Variants in DLGAP2 observed in about 807,000 individuals in gnomAD.
The protein encoded by DLGAP2 is DLG associated protein 2.
A neutral mutation model predicts 100.3 loss-of-function variants in DLGAP2; 26 were observed. The ratio of observed to expected loss-of-function variants is 0.26; its 90% CI spans 0.19 to 0.36. The LOEUF (loss-of-function observed/expected upper bound fraction) is 0.36. Among genes scored for constraint, DLGAP2 ranks in the 10% least tolerant of loss-of-function variants. The pLI is 1.00. For missense variants in DLGAP2, 1,858 were observed against 1,453.2 expected (o/e 1.28, Z -4.53); for synonymous variants, 886 against 630.1 (o/e 1.41, Z -6.08).
intron 2 of DLGAP2, among the ~76,000 whole-genome samples, chr8:1,253,721 C>T (rs767344781): frequency 6.6e-6 from 1 of 152,176 alleles, no homozygotes; most frequent in Non-Finnish European, 1.5e-5. Context: ...TCAATTAGCA[C>T]AGATCAGTGT....
chr8:1,535,141 G>C (rs1016729069), intron 4 of DLGAP2, among the ~76,000 whole-genome samples: 2 of 152,224 alleles, frequency 1.3e-5, no homozygotes, highest in Non-Finnish European at 2.9e-5. Context: ...AGCAAGTGCT[G>C]GCCGCTCCCC....
intron 1 of DLGAP2, among the ~76,000 whole-genome samples, chr8:796,765 A>G (rs2132648063): frequency 6.6e-6 from 1 of 152,284 alleles, no homozygotes; most frequent in South Asian, 2.1e-4. Context: ...TGCCCGCACT[A>G]TAACATGCCA....
chr8:1,040,981 A>C (rs1802330230), intron 2 of DLGAP2, among the ~76,000 whole-genome samples: 1 of 152,176 alleles, frequency 6.6e-6, no homozygotes, highest in Admixed American at 6.5e-5. Context: ...TTCCAGAAAC[A>C]ACATACATAG....
At chr8:1,608,699 G>A (rs1653470624) in intron 6 of DLGAP2, among the ~76,000 whole-genome samples, 2 of 142,512 alleles carry the variant, frequency 1.4e-5, no homozygotes, top group Admixed American at 7.1e-5. Context: ...GCTTAAAGGA[G>A]CTGATGGAGC....
chr8:1,246,361 C>T (rs118035948), intron 2 of DLGAP2, among the ~76,000 whole-genome samples: 2,279 of 152,334 alleles, frequency 0.015, 34 homozygotes, highest in South Asian at 0.07. Context: ...TTTGGAGGCA[C>T]TAACCGCTTT....
At chr8:1,588,156 C>CT (rs774581654) in intron 6 of DLGAP2, among the ~76,000 whole-genome samples, 31 of 152,316 alleles carry the variant, frequency 2.0e-4, no homozygotes, top group Non-Finnish European at 3.8e-4. Context: ...TTCAGAATGT[C>CT]TAACAGCAGC....
intron 2 of DLGAP2, among the ~76,000 whole-genome samples, chr8:1,031,400 TA>T (rs1801968298): frequency 6.6e-6 from 1 of 152,078 alleles, no homozygotes; most frequent in Non-Finnish European, 1.5e-5. Context: ...TTTTTTTTTT[TA>T]ATTTTATTTA....
intron 1 of DLGAP2, among the ~76,000 whole-genome samples, chr8:875,066 A>G (rs1475287414): frequency 2.5e-4 from 38 of 152,168 alleles, no homozygotes; most frequent in Admixed American, 2.2e-3. Flanking sequence ...TAGCTATTCT[A>G]GCTTTCTTGT....
In DLGAP2 at chr8:1,555,994, C is replaced by T. The variant is rs77707851; in HGVS notation, c.1230+6311C>T. 9.8e-3 allele frequency among the ~76,000 whole-genome samples: 1,491 copies of T among 152,300 alleles called. 32 individuals carry two copies. Among genetic ancestry groups the T allele is most frequent in the African/African-American group, 0.034 (1,396 of 41,550 alleles). Reference sequence around the variant, plus strand: ...ACATGGAACACTGGGTGGGTGCATGCGCTGTTTTATCCAGGTTTACCAGGG... The same window carrying T: ...ACATGGAACACTGGGTGGGTGCATGTGCTGTTTTATCCAGGTTTACCAGGG... On this transcript the variant is annotated intron_variant, in intron 5 of 14. Coordinates refer to ENST00000637795, the MANE Select transcript of DLGAP2 (RefSeq NM_001346810.2).
At chr8:1,317,357 G>A (rs1319881334) in intron 3 of DLGAP2, among the ~76,000 whole-genome samples, 11 of 131,882 alleles carry the variant, frequency 8.3e-5, no homozygotes, top group Non-Finnish European at 1.5e-4. Flanking sequence ...GTCTACACTC[G>A]AGAAACTCGG....
At chr8:1,321,056 A>AGTGTGCACATGCATCTGTGTGCCTCTGT (rs1203497161) in intron 3 of DLGAP2, among the ~76,000 whole-genome samples, 1 of 140,074 alleles carries the variant, frequency 7.1e-6, no homozygotes, top group Non-Finnish European at 1.5e-5. Context: ...TGTGTCTCTA[A>AGTGTGCACATGCATCTGTGTGCCTCTGT]GTGTGCACAT....
chr8:1,286,951 T>A (rs922652798), intron 3 of DLGAP2, among the ~76,000 whole-genome samples: 3 of 152,222 alleles, frequency 2.0e-5, no homozygotes, highest in Non-Finnish European at 2.9e-5. Flanking sequence ...CAGCAAGTTA[T>A]TTTAGGCAGT....
At chr8:886,189 A>G (rs1797918259) in intron 1 of DLGAP2, among the ~76,000 whole-genome samples, 1 of 152,170 alleles carries the variant, frequency 6.6e-6, no homozygotes, top group South Asian at 2.1e-4. Context: ...ATTTGCATAG[A>G]GGTGTTTATA....
chr8:1,073,280 T>C (rs1803490684), intron 2 of DLGAP2, among the ~76,000 whole-genome samples: 1 of 152,184 alleles, frequency 6.6e-6, no homozygotes, highest in Non-Finnish European at 1.5e-5. Context: ...AAGAATAAAA[T>C]TGTAAAAAAA....
At chr8:1,419,087 C>G (rs1258039838) in intron 3 of DLGAP2, among the ~76,000 whole-genome samples, 2 of 152,264 alleles carry the variant, frequency 1.3e-5, no homozygotes, top group Non-Finnish European at 2.9e-5. Context: ...GTTCAGCCCT[C>G]TGCAAGCACT....
chr8:817,258 G>A (rs758387272), intron 1 of DLGAP2, among the ~76,000 whole-genome samples: 1 of 152,016 alleles, frequency 6.6e-6, no homozygotes, highest in Non-Finnish European at 1.5e-5. Context: ...TTCTATTGCT[G>A]AGACTTTCCA....
At chr8:1,670,851 G>A (rs898764651) in intron 10 of DLGAP2, among the ~76,000 whole-genome samples, 8 of 152,206 alleles carry the variant, frequency 5.3e-5, no homozygotes, top group Non-Finnish European at 8.8e-5. Context: ...AGCCACTGCA[G>A]GAGTAAAGGG....
intron 12 of DLGAP2, among the ~76,000 whole-genome samples, chr8:1,689,541 G>A (rs556799306): frequency 2.0e-5 from 3 of 152,360 alleles, no homozygotes; most frequent in African/African-American, 7.2e-5. Flanking sequence ...TCCAACGGAA[G>A]CAGGAGAAAG....
intron 2 of DLGAP2, among the ~76,000 whole-genome samples, chr8:1,099,649 G>C (rs933272729): frequency 1.4e-4 from 22 of 152,226 alleles, no homozygotes; most frequent in Non-Finnish European, 2.6e-4. Context: ...AACGTCTTCT[G>C]CCCTGAGATT....
Sources: allele counts gnomAD v4.1 joint callset (sites outside exome capture counted in the v4.1 genomes callset), GRCh38; gene constraint gnomAD v4.1.1; transcripts MANE v1.5; gene names NCBI Gene and HGNC (gene_info 2026-07-23, HGNC 2026-07-21).